Variants in ZFHX3 observed in about 807,000 individuals in gnomAD.
ZFHX3 encodes the protein zinc finger homeobox protein 3.
In ZFHX3, 42 loss-of-function variants were observed where a neutral mutation model predicts 279.1. The ratio of observed to expected loss-of-function variants is 0.15; its 90% confidence interval spans 0.12 to 0.19. The LOEUF (loss-of-function observed/expected upper bound fraction) is 0.19, where lower values mean the gene tolerates loss of function less well. ZFHX3 is among the 10% of genes least tolerant of loss of function. The probability of loss-of-function intolerance (pLI) is 1.00; values close to 1 mark genes in which losing one functional copy is unlikely to be tolerated. For missense variants in ZFHX3, 4,981 were observed against 4,754.0 expected (o/e 1.05, Z -1.40); for synonymous variants, 2,293 against 1,957.8 (o/e 1.17, Z -4.52).
intron 3 of ZFHX3, among the ~76,000 whole-genome samples, chr16:72,950,173 C>T (rs1441097588): frequency 6.6e-6 from 1 of 151,824 alleles, no homozygotes; most frequent in Non-Finnish European, 1.5e-5. Flanking sequence ...TGCAAAAGAG[C>T]CCATGTAAGA....
At chr16:73,551,962 T>G (rs2020209917) in intron 2 of ZFHX3, among the ~76,000 whole-genome samples, 1 of 152,198 alleles carries the variant, frequency 6.6e-6, no homozygotes, top group Non-Finnish European at 1.5e-5. Context: ...CTTGATGTTT[T>G]ATGTTGAAAG....
intron 2 of ZFHX3, among the ~76,000 whole-genome samples, chr16:73,663,980 C>T (rs969822792): frequency 5.9e-5 from 9 of 152,120 alleles, no homozygotes; most frequent in African/African-American, 1.2e-4. Context: ...GGAACACCAC[C>T]CATTTAGAGA....
chr16:73,251,466 A>T (rs991756143), intron 5 of ZFHX3, among the ~76,000 whole-genome samples: 1 of 152,198 alleles, frequency 6.6e-6, no homozygotes, highest in Non-Finnish European at 1.5e-5. Flanking sequence ...CATATGCACA[A>T]TTACTAGCCT....
intron 1 of ZFHX3, among the ~76,000 whole-genome samples, chr16:73,782,784 G>C (rs1236391212): frequency 6.6e-6 from 1 of 152,188 alleles, no homozygotes; most frequent in Non-Finnish European, 1.5e-5. Context: ...TGACAGACCT[G>C]AAAGACTGGG....
intron 2 of ZFHX3, among the ~76,000 whole-genome samples, chr16:73,587,314 T>C (rs2051937916): frequency 6.6e-6 from 1 of 152,180 alleles, no homozygotes; most frequent in Non-Finnish European, 1.5e-5. Flanking sequence ...CTGAGATGTT[T>C]AGAGGTATAC....
At chr16:72,933,017 G>A (rs1959906375) in intron 3 of ZFHX3, among the ~76,000 whole-genome samples, 1 of 152,140 alleles carries the variant, frequency 6.6e-6, no homozygotes. Context: ...AACCCCAAGA[G>A]CTATCTGGGT....
chr16:73,193,375 G>C (rs1351224203), intron 5 of ZFHX3, among the ~76,000 whole-genome samples: 1 of 152,212 alleles, frequency 6.6e-6, no homozygotes, highest in Non-Finnish European at 1.5e-5. Flanking sequence ...AGAGATGGGG[G>C]CGGTGAACTG....
In ZFHX3 at chr16:72,794,572, C is replaced by A; in HGVS notation, c.8110G>T (p.Val2704Leu). The change falls in exon 9 of 10, where the codon GTA (valine) becomes TTA (leucine). Residue 2704 changes from valine (V) to leucine (L), a missense_variant. Physicochemically the swap from Val to Leu is conservative, Grantham distance 32 (BLOSUM62 1). Around this residue, in one of 7 missense-constraint regions of ZFHX3, gnomAD observed 744 missense variants for 701.3 expected, o/e 1.06. Transcript: ENST00000268489. This position sits in a 1 kb window ranked among gnomAD's most constrained non-coding sequence, Gnocchi z 4.2. ...ARERKGQFRA[V>L]GPAQAHRRCP... ...CTCCTGTGGGCCTGCGCTGGGCCTACAGCCCGGAACTGTCCTTTCCTTTCC... is the reference window on the plus strand; with the variant it reads ...CTCCTGTGGGCCTGCGCTGGGCCTAAAGCCCGGAACTGTCCTTTCCTTTCC... 6 of 1,614,244 alleles carry A rather than the reference C, an allele frequency of 3.7e-6. No individual in the cohort carries two copies. The highest frequency in any genetic ancestry group is 5.1e-6 in the Non-Finnish European group (6 of 1,180,050).
At chr16:72,800,798 C>T (rs1168084578) in intron 7 of ZFHX3, among the ~76,000 whole-genome samples, 4 of 152,184 alleles carry the variant, frequency 2.6e-5, no homozygotes, top group Non-Finnish European at 4.4e-5. Context: ...AGGTATACAA[C>T]ATCAGAGGGA....
At chr16:73,387,571 A>G (rs1333508018) in intron 3 of ZFHX3, among the ~76,000 whole-genome samples, 2 of 152,034 alleles carry the variant, frequency 1.3e-5, no homozygotes, top group African/African-American at 2.4e-5. Context: ...TAATTTCTGT[A>G]AAACCCACGG....
At chr16:73,622,150 T>C (rs1179646414) in intron 2 of ZFHX3, among the ~76,000 whole-genome samples, 2 of 152,216 alleles carry the variant, frequency 1.3e-5, no homozygotes, top group Non-Finnish European at 2.9e-5. Context: ...CGTCTTCTGC[T>C]TACCAGAACT....
At position 72,794,116 on chromosome 16, in the gene ZFHX3, C is replaced by T. The variant is rs745989025; in HGVS notation, c.8566G>A (p.Asp2856Asn). The change falls in exon 9 of 10, where the codon GAC becomes AAC. Residue 2856 changes from aspartate to asparagine, a missense_variant. By Grantham distance (23) the Asp-to-Asn change is conservative. Around this residue, in one of 7 missense-constraint regions of ZFHX3, gnomAD observed 744 missense variants for 701.3 expected, o/e 1.06. Transcript: ENST00000268489. This position sits in a 1 kb window ranked among gnomAD's most constrained non-coding sequence, Gnocchi z 4.2. ...TCAGTTGCTATTCCCGTTGCACTGT[C>T]GTTATCTGCGTTGCCCTCGTCTCCA... Reference protein sequence around the residue: ...TTGDEGNADNDSATGIATETK... With the variant: ...TTGDEGNADNNSATGIATETK... The T allele has an allele frequency of 3.1e-6, 5 of 1,614,216 alleles. No homozygotes were observed. The highest frequency in any genetic ancestry group is 1.1e-5 in the South Asian group (1 of 91,088).
intron 1 of ZFHX3, among the ~76,000 whole-genome samples, chr16:73,016,177 A>C (rs55989215): frequency 0.057 from 8,674 of 152,246 alleles, 590 homozygotes; most frequent in East Asian, 0.3. Flanking sequence ...CTAGGCCCAG[A>C]TATGACTTAA....
chr16:73,449,184 A>G (rs1278599035), intron 3 of ZFHX3, among the ~76,000 whole-genome samples: 1 of 152,230 alleles, frequency 6.6e-6, no homozygotes, highest in African/African-American at 2.4e-5. Flanking sequence ...TGAGGGAAAG[A>G]AAGTGTGATT....
chr16:73,233,580 C>T (rs1344247249), intron 5 of ZFHX3, among the ~76,000 whole-genome samples: 1 of 152,172 alleles, frequency 6.6e-6, no homozygotes, highest in Non-Finnish European at 1.5e-5. Flanking sequence ...GCCAGGCGAT[C>T]GTCTGCCATT....
At chr16:73,484,864 A>G (rs1012314666) in intron 2 of ZFHX3, among the ~76,000 whole-genome samples, 2 of 152,328 alleles carry the variant, frequency 1.3e-5, no homozygotes, top group East Asian at 3.9e-4. Flanking sequence ...TGTATTTCAT[A>G]CAAATGTACA....
intron 4 of ZFHX3, among the ~76,000 whole-genome samples, chr16:73,300,876 C>T (rs981616490): frequency 6.6e-6 from 1 of 152,200 alleles, no homozygotes; most frequent in Non-Finnish European, 1.5e-5. Flanking sequence ...TGGGAGGTGT[C>T]CAGCACATTG....
rs1016672540 is a variant in ZFHX3, at chr16:73,528,174, G to A, written c.-1546-71916C>T. ...AGGATTTGGTTCTGTTCGTGGGAAG[G>A]GAAATTCGATGCATTATCACTGTAT... On this transcript the variant is annotated intron_variant, in intron 2 of 17. Coordinates refer to the ZFHX3 transcript ENST00000641206. 5.3e-5 allele frequency among the ~76,000 whole-genome samples: 8 copies of A among 152,114 alleles called. No individual in the cohort carries two copies. The East Asian group carries it at 5.8e-4, about 11-fold the overall frequency.
At chr16:72,821,739 T>G (rs545192992) in intron 5 of ZFHX3, among the ~76,000 whole-genome samples, 1 of 152,316 alleles carries the variant, frequency 6.6e-6, no homozygotes, top group Admixed American at 6.5e-5. Flanking sequence ...GTCAATGGGA[T>G]AACACTGTCT....
Sources: gnomAD v4.1 joint callset for allele counts (sites outside exome capture counted in the v4.1 genomes callset) on GRCh38, gnomAD v4.1.1 for gene constraint, gnomAD v4.1.1 regional missense constraint, Gnocchi (gnomAD v3.1) non-coding constraint, MANE v1.5 for transcripts, NCBI Gene and HGNC (gene_info 2026-07-23, HGNC 2026-07-21) for gene names.